The following TARS2 variants were observed in gnomAD, a reference collection of about 807,000 sequenced individuals.
TARS2 encodes threonyl-tRNA synthetase 2, mitochondrial.
A neutral mutation model predicts 94.4 loss-of-function variants in TARS2; 61 were observed. The ratio of observed to expected loss-of-function variants is 0.65; its 90% CI spans 0.53 to 0.80. The LOEUF (loss-of-function observed/expected upper bound fraction) is 0.80, where lower values mean the gene tolerates loss of function less well. Among genes scored for constraint, TARS2 ranks in the 30% least tolerant of loss-of-function variants. The pLI, the probability that TARS2 is intolerant of heterozygous loss-of-function variation, is 0.00. For missense variants in TARS2, 704 were observed against 902.5 expected, an observed-to-expected ratio of 0.78 and a Z score of 2.82; for synonymous variants, 359 against 353.4, an observed-to-expected ratio of 1.02 and a Z score of -0.18.
At chr1:150,505,074 A>C in intron 16 of TARS2, 96 bp downstream of exon 16, 35 of 1,258,792 alleles carry the variant, frequency 2.8e-5, no homozygotes, top group Non-Finnish European at 3.9e-5. Context: ...GTGGTAGAGG[A>C]AGGAGCACAG....
chr1:150,498,017 C>T (rs959654966), intron 10 of TARS2, among the ~76,000 whole-genome samples: 6 of 150,200 alleles, frequency 4.0e-5, no homozygotes, highest in Admixed American at 2.0e-4. Flanking sequence ...GGCGTGAACC[C>T]AGGAGGTGGA....
Position 150,507,087 on chromosome 1 carries a change from A to G in TARS2, c.*23A>G. 1 of 1,612,410 alleles carries G rather than the reference A, an allele frequency of 6.2e-7. No individual in the cohort carries two copies. The highest frequency in any genetic ancestry group is 8.5e-7 in the Non-Finnish European group (1 of 1,178,990). On this transcript the variant is annotated 3_prime_UTR_variant, in exon 18 of 18. Coordinates refer to ENST00000369064, the MANE Select transcript of TARS2 (RefSeq NM_025150.5). ...TGAGCCTTTGTACATAGATGAGGCA[A>G]AAACCTGCGAGTGCCATCAGCCTCC...
chr1:150,498,532 G>A lies in TARS2; in HGVS notation c.1269G>A (p.Trp423Ter). 3.8e-6 allele frequency: 6 copies of A among 1,598,432 alleles called. No individual in the cohort carries two copies. The highest frequency in any genetic ancestry group is 5.1e-6 in the Non-Finnish European group (6 of 1,174,504). Reference sequence around the variant, plus strand: ...TGTTCGCCCACCGGCCCAGATCCTGGCGGGAACTGCCCCTGCGACTAGCTG... The same window carrying A: ...TGTTCGCCCACCGGCCCAGATCCTGACGGGAACTGCCCCTGCGACTAGCTG... ...CLMFAHRPRS[W>*]RELPLRLADF... Residue 423 changes from tryptophan to a stop codon, truncating the protein, a stop_gained, in exon 11 of 18, where the codon TGG (tryptophan) becomes TGA (stop). Transcript: ENST00000369064. LOFTEE classifies it high-confidence loss of function.
chr1:150,498,748 GC>G, intron 11 of TARS2, 84 bp downstream of exon 11: 20 of 1,606,862 alleles, frequency 1.2e-5, no homozygotes, highest in Non-Finnish European at 1.7e-5. Flanking sequence ...ATCTTTATTT[GC>G]CCCCTGTATG....
Position 150,488,218 on chromosome 1 carries a change from A to G in TARS2, c.263+164A>G, listed in dbSNP as rs189674579. 6.1e-4 allele frequency: 485 copies of G among 790,042 alleles called. 4 individuals carry two copies. In the Admixed American group the frequency reaches 0.012, roughly 20 times the overall value. The allele number at this position is 790,042 out of a possible 1,614,324, so 48.9% of individuals were successfully genotyped here. On this transcript the variant is annotated intron_variant, in intron 2 of 17. Coordinates refer to ENST00000369064, the MANE Select transcript of TARS2 (RefSeq NM_025150.5). ...TTGTTTTTTGTTGTTGTTCTTTTAT[A>G]CAGACGGGGTCTCTCCATGTTGCCC...
At chr1:150,488,117 G>C in intron 2 of TARS2, 63 bp downstream of exon 2, 1 of 1,553,432 alleles carries the variant, frequency 6.4e-7, no homozygotes, top group Non-Finnish European at 8.7e-7. Flanking sequence ...CTCTTCACTT[G>C]AGCAGGGGAA....
At chr1:150,498,090 C>T (rs1296222265) in intron 10 of TARS2, among the ~76,000 whole-genome samples, 1 of 132,790 alleles carries the variant, frequency 7.5e-6, no homozygotes, top group African/African-American at 2.9e-5. Flanking sequence ...GAGACTCCAT[C>T]TCAAAAAAAA....
intron 7 of TARS2, 82 bp from the exon 8 acceptor site, chr1:150,496,400 A>G (rs587636823): frequency 6.7e-7 from 1 of 1,501,684 alleles, no homozygotes; most frequent in East Asian, 2.3e-5. Context: ...GACACTTAAC[A>G]CTGAGAGTAT....
At chr1:150,503,629 ATATG>A (rs1248062305) in intron 13 of TARS2, among the ~76,000 whole-genome samples, 1 of 121,956 alleles carries the variant, frequency 8.2e-6, no homozygotes, top group African/African-American at 3.3e-5. Context: ...GTGTGTGTAT[ATATG>A]TGTGTGTATA....
intron 7 of TARS2, among the ~76,000 whole-genome samples, chr1:150,493,985 C>T (rs1386970575): frequency 6.6e-6 from 1 of 151,688 alleles, no homozygotes; most frequent in Non-Finnish European, 1.5e-5. Context: ...GCGCGGTGGC[C>T]TTGGGTAAAT....
intron 2 of TARS2, 187 bp downstream of exon 2, chr1:150,488,241 C>T (rs1669235999): frequency 1.5e-6 from 1 of 648,006 alleles, no homozygotes; most frequent in Admixed American, 3.1e-5. Flanking sequence ...CTCCATGTTG[C>T]CCAGGCTAGT....
chr1:150,499,343 T>C, intron 13 of TARS2, 50 bp downstream of exon 13: 1 of 1,565,878 alleles, frequency 6.4e-7, no homozygotes. Flanking sequence ...TTTTGCTTTG[T>C]TTTAGTAAAT....
intron 17 of TARS2, among the ~76,000 whole-genome samples, chr1:150,506,713 C>T (rs1285388838): frequency 6.6e-6 from 1 of 151,936 alleles, no homozygotes. Flanking sequence ...GGGACTGAAG[C>T]ACTTCCTTGT....
At chr1:150,504,610 C>CG (rs35866586) in intron 14 of TARS2, 22 bp from the exon 15 acceptor site, 16 of 1,527,226 alleles carry the variant, frequency 1.0e-5, no homozygotes, top group Non-Finnish European at 1.4e-5. Flanking sequence ...ATTCCATCCA[C>CG]CCCCCCCTTT....
At chr1:150,504,558 C>A in intron 14 of TARS2, 74 bp from the exon 15 acceptor site, 2 of 1,581,746 alleles carry the variant, frequency 1.3e-6, no homozygotes, top group Non-Finnish European at 1.7e-6. Flanking sequence ...TTCTTAAAAA[C>A]TGGAAGGTGA....
chr1:150,491,832 T>A lies in TARS2; in HGVS notation c.695+170T>A, dbSNP rs1669400535. 18 of 677,434 alleles carry A rather than the reference T, an allele frequency of 2.7e-5. 1 individual carries two copies. The South Asian group carries it at 3.4e-4, about 13-fold the overall frequency. 42.0% of individuals were successfully genotyped at this position (677,434 alleles called of 1,614,324 possible). Reference sequence around the variant, plus strand: ...TTTTTTGAGACGGAGTCTTGGTCTGTCTCCCAGGCTGGAGTGCGGTAGCAC... The same window carrying A: ...TTTTTTGAGACGGAGTCTTGGTCTGACTCCCAGGCTGGAGTGCGGTAGCAC... On this transcript the variant is annotated intron_variant, in intron 6 of 17. Coordinates refer to ENST00000369064, the MANE Select transcript of TARS2 (RefSeq NM_025150.5).
At chr1:150,501,952 G>A (rs587650158) in intron 13 of TARS2, among the ~76,000 whole-genome samples, 1 of 151,070 alleles carries the variant, frequency 6.6e-6, no homozygotes, top group Non-Finnish European at 1.5e-5. Flanking sequence ...TTGCTCTGTC[G>A]CCCAGGTTGG....
Position 150,507,213 on chromosome 1 carries a change from G to A in TARS2, c.*149G>A. On this transcript the variant is annotated 3_prime_UTR_variant, in exon 18 of 18. Transcript: ENST00000369064. ...GCTCTCCTGAAAAGAGACTTGGTTT[G>A]GGGACCCCACAAAAGGAGGGAAGCT... 2.8e-6 allele frequency: 3 copies of A among 1,090,782 alleles called. No individual in the cohort carries two copies. The highest frequency in any genetic ancestry group is 3.8e-6 in the Non-Finnish European group (3 of 786,192). The allele number at this position is 1,090,782 out of a possible 1,614,324, so 67.6% of individuals were successfully genotyped here.
At chr1:150,489,336 A>G (rs111446719) in intron 3 of TARS2, 42 of 473,316 alleles carry the variant, frequency 8.9e-5, no homozygotes, top group Middle Eastern at 6.7e-4. Flanking sequence ...AAACGAAAGG[A>G]TAAATATGTA....
Sources: gnomAD v4.1 joint callset for allele counts (sites outside exome capture counted in the v4.1 genomes callset) on GRCh38, gnomAD v4.1.1 for gene constraint, MANE v1.5 for transcripts, NCBI Gene and HGNC (gene_info 2026-07-23, HGNC 2026-07-21) for gene names.